The following INTS4 variants were observed in gnomAD, a reference collection of about 807,000 sequenced individuals.
INTS4 encodes integrator complex subunit 4.
INTS4 carries 70 observed loss-of-function variants against 119.5 expected under a neutral mutation model. The observed-to-expected ratio is 0.59, with a 90% confidence interval of 0.48 to 0.71. The LOEUF is 0.71. Ranked by LOEUF, INTS4 falls within the 30% of genes least tolerant of loss-of-function variation. INTS4 has a pLI of 0.00. For synonymous variants in INTS4, 316 were observed against 419.6 expected, an observed-to-expected ratio of 0.75 and a Z score of 3.02; for missense variants, 867 against 1,173.2, an observed-to-expected ratio of 0.74 and a Z score of 3.81.
chr11:77,932,966 G>A (rs1358584545), intron 10 of INTS4, among the ~76,000 whole-genome samples: 6 of 146,392 alleles, frequency 4.1e-5, no homozygotes, highest in Admixed American at 1.4e-4. Flanking sequence ...CAGGGGGTGG[G>A]GGGCTGGGGG....
At chr11:77,955,921 T>C in intron 8 of INTS4, 21 bp downstream of exon 8, 2 of 1,582,370 alleles carry the variant, frequency 1.3e-6, no homozygotes, top group South Asian at 1.1e-5. Context: ...CATACATACA[T>C]ACATAAAAAG....
chr11:77,879,277 A>C, intron 22 of INTS4, 150 bp from the exon 23 acceptor site: 2 of 788,264 alleles, frequency 2.5e-6, no homozygotes, highest in Non-Finnish European at 4.0e-6. Flanking sequence ...ACCAAACAAA[A>C]CACTGAGCCT....
At chr11:77,876,926 A>G (rs1171823116), downstream of INTS4, 12 of 702,754 alleles carry the variant, frequency 1.7e-5, no homozygotes, top group Non-Finnish European at 2.9e-5. Context: ...GGCAGCAGCC[A>G]TGGTTCTTCA....
At chr11:77,911,186 G>A (rs1953081720) in intron 15 of INTS4, 1 of 1,155,332 alleles carries the variant, frequency 8.7e-7, no homozygotes, top group African/African-American at 1.6e-5. Context: ...TACTCTCAAA[G>A]TGATTGAAGA....
At chr11:77,933,791 C>T (rs1244510709) in intron 10 of INTS4, among the ~76,000 whole-genome samples, 3 of 151,490 alleles carry the variant, frequency 2.0e-5, no homozygotes, top group South Asian at 2.1e-4. Context: ...CGTCTCCGCC[C>T]GGCAGCCGCC....
chr11:77,904,617 T>C (rs1952885841), intron 16 of INTS4, among the ~76,000 whole-genome samples: 2 of 152,214 alleles, frequency 1.3e-5, no homozygotes, highest in Non-Finnish European at 2.9e-5. Flanking sequence ...TAAACAGTGG[T>C]AGGTCTAAAC....
At chr11:77,927,237 A>G (rs551857654) in intron 11 of INTS4, among the ~76,000 whole-genome samples, 1 of 152,346 alleles carries the variant, frequency 6.6e-6, no homozygotes, top group East Asian at 1.9e-4. Context: ...GAGGCCACCC[A>G]TGAAGAACCG....
At position 77,921,438 on chromosome 11, in the gene INTS4, T is replaced by C; in HGVS notation, c.1666A>G (p.Lys556Glu). The C allele has an allele frequency of 6.2e-7, 1 of 1,608,576 alleles. No individual in the cohort carries two copies. The highest frequency in any genetic ancestry group is 8.5e-7 in the Non-Finnish European group (1 of 1,174,960). ...AATGCTGGCATTGTTGGACAGGTTT[T>C]AGCAGCATTGAAAATAAGTACCAAA... Reference protein sequence around the residue: ...AVLVLIFNAAKTCPTMPALFS... With the variant: ...AVLVLIFNAAETCPTMPALFS... Residue 556 changes from lysine to glutamate, a missense_variant, in exon 14 of 23, where the codon AAA (lysine) becomes GAA (glutamate). By Grantham distance (56) the Lys-to-Glu change is moderately conservative. Transcript: ENST00000534064.
In INTS4 at chr11:77,928,485, C is replaced by T; in HGVS notation, c.1228G>A (p.Glu410Lys). The T allele has an allele frequency of 6.2e-7, 1 of 1,608,274 alleles. No homozygotes were observed. Among genetic ancestry groups the T allele is most frequent in the South Asian group, 1.1e-5 (1 of 90,130 alleles). The stretch of plus-strand genomic sequence containing the variant: ...TCAACTAGGAAATCAAGGCACTTCT[C>T]AGCAAAAGAGGGTGAAGACTGGGCC... ...MLAQSSPSFA[E>K]KCLDFLVDMF... Residue 410 changes from glutamate to lysine, a missense_variant, in exon 11 of 23, where the codon GAG (glutamate) becomes AAG (lysine). Physicochemically the swap from Glu to Lys is moderately conservative, Grantham distance 56. Coordinates refer to ENST00000534064, the MANE Select transcript of INTS4 (RefSeq NM_033547.4).
chr11:77,928,273 G>T, intron 11 of INTS4, 69 bp downstream of exon 11: 1 of 1,536,002 alleles, frequency 6.5e-7, no homozygotes, highest in Non-Finnish European at 9.0e-7. Context: ...CCAATGCCTA[G>T]CACAATACCT....
intron 15 of INTS4, among the ~76,000 whole-genome samples, chr11:77,912,244 C>T (rs189818756): frequency 1.4e-3 from 212 of 152,118 alleles, no homozygotes; most frequent in African/African-American, 4.5e-3. Flanking sequence ...CGCCTGTAGT[C>T]CCAGCTATTC....
intron 4 of INTS4, among the ~76,000 whole-genome samples, chr11:77,971,615 C>G (rs930800580): frequency 1.8e-4 from 28 of 152,116 alleles, no homozygotes; most frequent in African/African-American, 6.0e-4. Context: ...TGCACTCCAG[C>G]CTGGATGACA....
At chr11:77,892,626 G>A (rs529127437) in intron 19 of INTS4, among the ~76,000 whole-genome samples, 11 of 151,840 alleles carry the variant, frequency 7.2e-5, no homozygotes, top group East Asian at 1.9e-4. Flanking sequence ...ACTATTGCCC[G>A]GGCTGGTGTG....
intron 10 of INTS4, among the ~76,000 whole-genome samples, chr11:77,931,970 C>G (rs1953661234): frequency 6.6e-6 from 1 of 152,110 alleles, no homozygotes; most frequent in Admixed American, 6.5e-5. Flanking sequence ...AACATAAGAC[C>G]TAAAACCATA....
chr11:77,990,545 G>C (rs1856634728), intron 2 of INTS4, among the ~76,000 whole-genome samples: 1 of 152,012 alleles, frequency 6.6e-6, no homozygotes, highest in Non-Finnish European at 1.5e-5. Context: ...AATTAGCAGG[G>C]TGTGGTGGCA....
intron 17 of INTS4, 93 bp from the exon 18 acceptor site, chr11:77,901,644 A>G: frequency 1.1e-6 from 1 of 909,502 alleles, no homozygotes; most frequent in Non-Finnish European, 1.7e-6. Context: ...CTTAGGTGAA[A>G]CTCTTAACTG....
intron 8 of INTS4, among the ~76,000 whole-genome samples, chr11:77,944,506 T>C (rs1341331932): frequency 1.3e-5 from 2 of 152,206 alleles, no homozygotes; most frequent in African/African-American, 4.8e-5. Flanking sequence ...CAAGAAGCCT[T>C]CTGTGGTTGT....
At chr11:77,972,855 T>C (rs531966730) in intron 4 of INTS4, among the ~76,000 whole-genome samples, 1 of 150,022 alleles carries the variant, frequency 6.7e-6, no homozygotes, top group South Asian at 2.1e-4. Flanking sequence ...TTAATACAGA[T>C]AGGGTCTCAT....
chr11:77,920,457 T>G (rs1953331019), intron 14 of INTS4, among the ~76,000 whole-genome samples: 1 of 151,868 alleles, frequency 6.6e-6, no homozygotes, highest in African/African-American at 2.4e-5. Flanking sequence ...GATCTATTTT[T>G]AAATTTTCTT....
Sources: gnomAD v4.1 joint callset for allele counts (sites outside exome capture counted in the v4.1 genomes callset) on GRCh38, gnomAD v4.1.1 for gene constraint, MANE v1.5 for transcripts, NCBI Gene and HGNC (gene_info 2026-07-23, HGNC 2026-07-21) for gene names.